CCT6B: variants seen among roughly 807,000 people sequenced by gnomAD.
The protein encoded by CCT6B is chaperonin containing TCP1 subunit 6B.
In CCT6B, 49 loss-of-function variants were observed where a neutral mutation model predicts 61.5. That is an observed-to-expected ratio of 0.80 (90% CI 0.63 to 1.01). The LOEUF (loss-of-function observed/expected upper bound fraction) is 1.01, where lower values mean the gene tolerates loss of function less well. Ranked by LOEUF, CCT6B falls within the 50% of genes least tolerant of loss-of-function variation. The pLI is 0.00. For synonymous variants in CCT6B, 228 were observed against 214.5 expected, an observed-to-expected ratio of 1.06 and a Z score of -0.55; for missense variants, 666 against 634.7, an observed-to-expected ratio of 1.05 and a Z score of -0.53.
chr17:34,953,397 G>A (rs1413169528), intron 4 of CCT6B, among the ~76,000 whole-genome samples: 1 of 150,158 alleles, frequency 6.7e-6, no homozygotes, highest in African/African-American at 2.4e-5. Context: ...ATGGCATGAT[G>A]TCAGCTCACT....
intron 5 of CCT6B, among the ~76,000 whole-genome samples, chr17:34,951,422 T>G (rs2090290769): frequency 1.3e-5 from 2 of 152,230 alleles, no homozygotes; most frequent in East Asian, 3.8e-4. Flanking sequence ...AACAGTTATG[T>G]GGAAATTCCC....
intron 5 of CCT6B, among the ~76,000 whole-genome samples, chr17:34,947,348 C>T (rs1285322255): frequency 1.3e-5 from 2 of 152,094 alleles, no homozygotes; most frequent in Non-Finnish European, 2.9e-5. Context: ...CCATACCTAG[C>T]TACATCATAG....
chr17:34,952,090 G>A, intron 4 of CCT6B, 37 bp from the exon 5 acceptor site: 1 of 1,285,330 alleles, frequency 7.8e-7, no homozygotes, highest in Non-Finnish European at 1.1e-6. Context: ...TAAGTTATTT[G>A]GACTACTAAA....
chr17:34,956,379 T>TACTTCCTCC (rs761166518), intron 3 of CCT6B, among the ~76,000 whole-genome samples: 3 of 152,218 alleles, frequency 2.0e-5, no homozygotes, highest in Non-Finnish European at 4.4e-5. Flanking sequence ...GGCCAGGCCT[T>TACTTCCTCC]ACTTCCTCCA....
chr17:34,936,381 G>A (rs1199055632), intron 10 of CCT6B, among the ~76,000 whole-genome samples: 3 of 152,122 alleles, frequency 2.0e-5, no homozygotes, highest in East Asian at 3.9e-4. Context: ...TAAGATCAGC[G>A]ATGAGGAAAG....
rs1052628773 is a variant in CCT6B at position 34,949,857 on chromosome 17, A to G, written c.614+2093T>C. The G allele has an allele frequency of 3.3e-5, 5 of 152,244 alleles. No homozygotes were observed. In the East Asian group the frequency reaches 5.8e-4, roughly 18 times the overall value. The allele number at this position is 152,244 out of a possible 1,614,324, so 9.4% of individuals were successfully genotyped here. On this transcript the variant is annotated intron_variant, in intron 5 of 13. Transcript: ENST00000314144. ...GACAGAATAAGCAGTCAAAACATCA[A>G]TAAGGATATAGAAGTTCTGAACAAC...
rs1459240632 is a variant in CCT6B at position 34,958,661 on chromosome 17, T to C, written c.235A>G (p.Lys79Glu). The change falls in exon 3 of 14, where the codon AAA becomes GAA. Residue 79 changes from lysine (K) to glutamate (E), a missense_variant. Physicochemically the swap from Lys to Glu is moderately conservative, Grantham distance 56. Coordinates refer to ENST00000314144, the MANE Select transcript of CCT6B (RefSeq NM_006584.4). ...ACGTCATCCTGAGCTGTTGCTACTT[T>C]TGCTATCAAGGAAGCTGTTGGATGT... ...IQHPTASLIA[K>E]VATAQDDVTG... The C allele has an allele frequency of 1.9e-6, 3 of 1,602,528 alleles. No individual in the cohort carries two copies. The South Asian group carries it at 3.4e-5, about 18-fold the overall frequency.
intron 2 of CCT6B, 22 bp downstream of exon 2, chr17:34,959,565 A>G: frequency 1.3e-6 from 2 of 1,587,138 alleles, no homozygotes; most frequent in Non-Finnish European, 1.7e-6. Context: ...AAGGTTTATT[A>G]AAGTCAGCAG....
At chr17:34,934,471 G>A (rs2090072929) in intron 10 of CCT6B, among the ~76,000 whole-genome samples, 1 of 152,126 alleles carries the variant, frequency 6.6e-6, no homozygotes, top group Non-Finnish European at 1.5e-5. Flanking sequence ...AGACAAATGA[G>A]TATGGCCACA....
At chr17:34,938,701 A>G (rs1285721030) in intron 10 of CCT6B, among the ~76,000 whole-genome samples, 32 of 152,164 alleles carry the variant, frequency 2.1e-4, no homozygotes, top group Non-Finnish European at 3.1e-4. Context: ...CCTCATCTCT[A>G]CCAAAAATAC....
At chr17:34,932,195 T>C (rs2090043025) in intron 11 of CCT6B, among the ~76,000 whole-genome samples, 172 bp downstream of exon 11, 1 of 152,226 alleles carries the variant, frequency 6.6e-6, no homozygotes, top group East Asian at 1.9e-4. Context: ...GATCCTGGGC[T>C]GTTATCGCAA....
intron 5 of CCT6B, among the ~76,000 whole-genome samples, chr17:34,947,317 C>G (rs554304305): frequency 1.3e-5 from 2 of 151,988 alleles, no homozygotes; most frequent in Non-Finnish European, 2.9e-5. Flanking sequence ...AAAATGCCAA[C>G]CAGAATAAAC....
chr17:34,959,123 CT>C lies in CCT6B; in HGVS notation c.202-430del, dbSNP rs11374610. Among the ~76,000 whole-genome samples, 499 of 102,524 alleles carry C rather than the reference CT, an allele frequency of 4.9e-3. 1 individual carries two copies. The highest frequency in any genetic ancestry group is 0.016 in the African/African-American group (432 of 26,224). The allele number at this position is 102,524 out of a possible 152,430, so 67.3% of individuals were successfully genotyped here. On this transcript the variant is annotated intron_variant, in intron 2 of 13. Transcript: ENST00000314144. ...ACTTGGAAACAGCCAAAAAAAAAAACTTTTTTTTTTTTTTTTTTTGAGACAG... is the reference window on the plus strand; with the variant it reads ...ACTTGGAAACAGCCAAAAAAAAAAACTTTTTTTTTTTTTTTTTTGAGACAG...
chr17:34,928,023 G>A lies in CCT6B; in HGVS notation c.*25C>T, dbSNP rs1453505907. 1.3e-6 allele frequency: 2 copies of A among 1,565,532 alleles called. No individual in the cohort carries two copies. The highest frequency in any genetic ancestry group is 2.3e-5 in the East Asian group (1 of 44,260). On this transcript the variant is annotated 3_prime_UTR_variant, in exon 14 of 14. Coordinates refer to ENST00000314144, the MANE Select transcript of CCT6B (RefSeq NM_006584.4). Reference sequence around the variant, plus strand: ...AAAGTGTACTAAATTTCATCTTCTAGAAGGGTTGATTTTGAATTCAATCAT... The same window carrying A: ...AAAGTGTACTAAATTTCATCTTCTAAAAGGGTTGATTTTGAATTCAATCAT...
Position 34,928,168 on chromosome 17 carries a change from T to A in CCT6B, c.1524-51A>T, listed in dbSNP as rs570927377. On this transcript the variant is annotated intron_variant, in intron 13 of 13. Transcript: ENST00000314144. ...TAAAGCCTACTAACCCACTCTTAGC[T>A]TTTTTCCCCAGCAATCTTTACCTAT... The A allele has an allele frequency of 2.1e-5, 25 of 1,208,964 alleles. No homozygotes were observed. The African/African-American group carries it at 3.2e-4, about 15-fold the overall frequency. 74.9% of individuals were successfully genotyped at this position (1,208,964 alleles called of 1,614,324 possible).
rs1444863214 is a variant in CCT6B at position 34,954,497 on chromosome 17, TTTTTC to T, written c.434_438del (p.Arg145AsnfsTer7). The T allele has an allele frequency of 1.9e-6, 3 of 1,613,634 alleles. No individual in the cohort carries two copies. Among genetic ancestry groups the T allele is most frequent in the Admixed American group, 1.7e-5 (1 of 59,966 alleles). Reference sequence around the variant, plus strand: ...GATGTTCTAGCTACATCTAAGAGGATTTTTCTTTTCATCTCCTTTGTCACTTTAAC... The same window carrying T: ...GATGTTCTAGCTACATCTAAGAGGATTTTTCATCTCCTTTGTCACTTTAAC... On this transcript the variant is annotated frameshift_variant, in exon 4 of 14. Transcript: ENST00000314144. LOFTEE classifies it high-confidence loss of function.
chr17:34,948,925 C>A (rs1015919034), intron 5 of CCT6B, among the ~76,000 whole-genome samples: 2 of 151,556 alleles, frequency 1.3e-5, no homozygotes, highest in African/African-American at 4.9e-5. Context: ...GTCCCAGCTA[C>A]TCAAGAGGCT....
chr17:34,940,345 A>G lies in CCT6B; in HGVS notation c.968+194T>C, dbSNP rs532505804. Among the ~76,000 whole-genome samples the G allele has an allele frequency of 2.0e-5, 3 of 152,350 alleles. No individual in the cohort carries two copies. The East Asian group carries it at 5.8e-4, about 29-fold the overall frequency. ...ATAAAAACTTTCCTTATACTTCAAC[A>G]AAGTTCTGCAGTAGGTTAACAACCT... is the stretch of plus-strand genomic sequence containing the variant. On this transcript the variant is annotated intron_variant, in intron 8 of 13. Coordinates refer to ENST00000314144, the MANE Select transcript of CCT6B (RefSeq NM_006584.4).
chr17:34,940,812 AAAT>A (rs1358436072), intron 7 of CCT6B, among the ~76,000 whole-genome samples, 191 bp from the exon 8 acceptor site: 1 of 152,120 alleles, frequency 6.6e-6, no homozygotes. Flanking sequence ...TAATTCATTT[AAAT>A]AATAAGCCCA....
Sources: gnomAD v4.1 joint callset for allele counts (sites outside exome capture counted in the v4.1 genomes callset) on GRCh38, gnomAD v4.1.1 for gene constraint, MANE v1.5 for transcripts, NCBI Gene and HGNC (gene_info 2026-07-23, HGNC 2026-07-21) for gene names.